The following GARRE1 variants were observed in gnomAD, a reference collection of about 807,000 sequenced individuals.
GARRE1 encodes the protein granule associated Rac and RHOG effector protein 1.
Under a neutral mutation model 103.2 loss-of-function variants are expected in GARRE1, and 49 were observed. The observed-to-expected ratio is 0.47, with a 90% CI of 0.38 to 0.60. The LOEUF is 0.60. GARRE1 is among the 20% of genes least tolerant of loss of function. The pLI is 0.00. For missense variants in GARRE1, 1,199 were observed against 1,370.5 expected (o/e 0.87, Z 1.98); for synonymous variants, 505 against 532.8 (o/e 0.95, Z 0.72).
At chr19:34,351,219 T>A (rs1392349951) in intron 12 of GARRE1, among the ~76,000 whole-genome samples, 56 of 144,306 alleles carry the variant, frequency 3.9e-4, no homozygotes, top group Admixed American at 1.1e-3. Flanking sequence ...AAAAATAAAA[T>A]AATAATAATA....
chr19:34,336,016 G>A lies in GARRE1; in HGVS notation c.1361+2215G>A, dbSNP rs185325352. Reference sequence around the variant, plus strand: ...ATTATTTTTTTTTTGGTAGAGACAAGATCTCATGCTGTCCCCCAGACTGCA... The same window carrying A: ...ATTATTTTTTTTTTGGTAGAGACAAAATCTCATGCTGTCCCCCAGACTGCA... On this transcript the variant is annotated intron_variant, in intron 8 of 13. Coordinates refer to ENST00000299505, the MANE Select transcript of GARRE1 (RefSeq NM_014686.5). Among the ~76,000 whole-genome samples, 81 of 151,670 alleles carry A rather than the reference G, an allele frequency of 5.3e-4. 1 individual carries two copies. In the East Asian group the frequency reaches 0.012, roughly 22 times the overall value.
At chr19:34,289,164 G>A (rs1244126957) in intron 1 of GARRE1, among the ~76,000 whole-genome samples, 3 of 151,068 alleles carry the variant, frequency 2.0e-5, no homozygotes, top group Non-Finnish European at 4.4e-5. Context: ...GTTGGGCATG[G>A]CGGCTCACGC....
intron 1 of GARRE1, among the ~76,000 whole-genome samples, chr19:34,261,723 G>C (rs2073719819): frequency 6.6e-6 from 1 of 152,168 alleles, no homozygotes; most frequent in African/African-American, 2.4e-5. Context: ...ATTGAGGGTA[G>C]AGTCTGGACA....
intron 13 of GARRE1, among the ~76,000 whole-genome samples, chr19:34,352,373 G>C (rs543207414): frequency 6.6e-6 from 1 of 150,810 alleles, no homozygotes; most frequent in African/African-American, 2.4e-5. Flanking sequence ...CTGCACTCCA[G>C]CCTGGGCGAG....
rs1409268511 is a variant in GARRE1 at position 34,353,390 on chromosome 19, T to G, written c.*435T>G. 2 of 187,982 alleles carry G rather than the reference T, an allele frequency of 1.1e-5. No homozygotes were observed. 11.6% of individuals were successfully genotyped at this position (187,982 alleles called of 1,614,324 possible). ...TCTCCTCCCTCCTCCACACCTTGAG[T>G]GATGACCACACCAATCACTGTATTT... On this transcript the variant is annotated 3_prime_UTR_variant, in exon 14 of 14. Coordinates refer to ENST00000299505, the MANE Select transcript of GARRE1 (RefSeq NM_014686.5).
intron 2 of GARRE1, among the ~76,000 whole-genome samples, chr19:34,309,571 C>T (rs190291138): frequency 6.6e-6 from 1 of 152,266 alleles, no homozygotes; most frequent in African/African-American, 2.4e-5. Context: ...AACTCCTGGG[C>T]TCAAGTGATC....
At chr19:34,255,833 G>T (rs756475336) in intron 1 of GARRE1, among the ~76,000 whole-genome samples, 8 of 150,242 alleles carry the variant, frequency 5.3e-5, no homozygotes, top group Non-Finnish European at 1.0e-4. Flanking sequence ...TACAAATGGG[G>T]TCAAAGGTAA....
At chr19:34,321,404 C>T (rs1265515282) in intron 3 of GARRE1, among the ~76,000 whole-genome samples, 1 of 151,378 alleles carries the variant, frequency 6.6e-6, no homozygotes, top group Non-Finnish European at 1.5e-5. Context: ...CCTCATTTGT[C>T]AGTGCTTTAC....
chr19:34,315,846 T>C (rs1466398216), intron 2 of GARRE1, among the ~76,000 whole-genome samples: 1 of 151,988 alleles, frequency 6.6e-6, no homozygotes, highest in African/African-American at 2.4e-5. Context: ...TGTACATGAA[T>C]ACAACATCCT....
chr19:34,328,241 A>T (rs945055775), intron 6 of GARRE1, 90 bp downstream of exon 6: 10 of 899,030 alleles, frequency 1.1e-5, no homozygotes, highest in Non-Finnish European at 1.4e-5. Context: ...GATGTAGATT[A>T]AAAAAAAAAT....
At chr19:34,264,868 A>G (rs1232865107) in intron 1 of GARRE1, among the ~76,000 whole-genome samples, 7 of 152,198 alleles carry the variant, frequency 4.6e-5, no homozygotes, top group Non-Finnish European at 8.8e-5. Flanking sequence ...AATGCAGGGC[A>G]CGTGGGAATA....
chr19:34,300,679 A>C lies in GARRE1; in HGVS notation c.206A>C (p.His69Pro). 4 of 1,614,042 alleles carry C rather than the reference A, an allele frequency of 2.5e-6. No homozygotes were observed. Among genetic ancestry groups the C allele is most frequent in the Non-Finnish European group, 3.4e-6 (4 of 1,180,008 alleles). Residue 69 changes from histidine (H) to proline (P), a missense_variant, in exon 2 of 14, where the codon CAC becomes CCC. Coordinates refer to ENST00000299505, the MANE Select transcript of GARRE1 (RefSeq NM_014686.5). ...AAGSCHHAMP[H>P]TTPIADIQQG... Reference sequence around the variant, plus strand: ...GGCAGCTGCCACCATGCCATGCCCCACACTACTCCTATCGCCGACATCCAG... The same window carrying C: ...GGCAGCTGCCACCATGCCATGCCCCCCACTACTCCTATCGCCGACATCCAG...
intron 9 of GARRE1, among the ~76,000 whole-genome samples, 169 bp downstream of exon 9, chr19:34,340,161 G>C (rs1055563918): frequency 6.6e-6 from 1 of 152,220 alleles, no homozygotes; most frequent in African/African-American, 2.4e-5. Flanking sequence ...AAAGTGGCAA[G>C]AATAATACAA....
At chr19:34,257,575 G>T (rs1197528322) in intron 1 of GARRE1, among the ~76,000 whole-genome samples, 1 of 152,114 alleles carries the variant, frequency 6.6e-6, no homozygotes, top group Non-Finnish European at 1.5e-5. Flanking sequence ...GCAAAAAAAT[G>T]TTGGTTTAGA....
At chr19:34,284,127 CTTTTTTTTTTTTT>C (rs10608784) in intron 1 of GARRE1, among the ~76,000 whole-genome samples, 2 of 73,436 alleles carry the variant, frequency 2.7e-5, no homozygotes, top group East Asian at 7.5e-4. Context: ...GCCCGGCTTT[CTTTTTTTTTTTTT>C]TTTTTTTTTT....
Position 34,330,212 on chromosome 19 carries a change from G to A in GARRE1, c.1128G>A (p.Lys376=), listed in dbSNP as rs766111951. Residue 376 remains lysine (K), a synonymous_variant, in exon 7 of 14, where the codon AAG becomes AAA. Coordinates refer to ENST00000299505, the MANE Select transcript of GARRE1 (RefSeq NM_014686.5). The part of the protein sequence containing the change: ...LKTHTMLQLM[K]EAGCYNGITS... ...AGCATACAATGTTACAGCTGATGAA[G>A]GAGGCAGGCTGCTATAATGGAATCA... 1 of 1,614,080 alleles carries A rather than the reference G, an allele frequency of 6.2e-7. No individual in the cohort carries two copies. Among genetic ancestry groups the A allele is most frequent in the South Asian group, 1.1e-5 (1 of 91,052 alleles).
At chr19:34,351,617 C>T (rs2074237779) in intron 13 of GARRE1, 25 bp downstream of exon 13, 3 of 1,558,534 alleles carry the variant, frequency 1.9e-6, no homozygotes, top group Non-Finnish European at 2.7e-6. Flanking sequence ...TCTGTGGGCA[C>T]AGACTTGGGC....
Position 34,297,171 on chromosome 19 carries a change from C to A in GARRE1, c.-795-2508C>A, listed in dbSNP as rs147097181. On this transcript the variant is annotated intron_variant, in intron 1 of 13. Transcript: ENST00000299505. ...GGCACTGTGACGCGCACCTGTAATC[C>A]CAGCTACTTGGGAGGCTGAGGCAGG... Among the ~76,000 whole-genome samples the A allele has an allele frequency of 5.0e-3, 765 of 152,076 alleles. 7 individuals are homozygous for A. The highest frequency in any genetic ancestry group is 0.017 in the African/African-American group (700 of 41,456).
At chr19:34,339,783 G>T (rs1174642176) in intron 8 of GARRE1, 84 bp from the exon 9 acceptor site, 1 of 1,564,434 alleles carries the variant, frequency 6.4e-7, no homozygotes, top group African/African-American at 1.4e-5. Flanking sequence ...GTACATAAAA[G>T]TTGTAGCCTT....
Sources: gnomAD v4.1 joint callset for allele counts (sites outside exome capture counted in the v4.1 genomes callset) on GRCh38, gnomAD v4.1.1 for gene constraint, MANE v1.5 for transcripts, NCBI Gene and HGNC (gene_info 2026-07-23, HGNC 2026-07-21) for gene names.